TGM2: variants seen among roughly 807,000 people sequenced by gnomAD.
The protein encoded by TGM2 is transglutaminase 2, also known as protein-glutamine gamma-glutamyltransferase 2.
Under a neutral mutation model 75.6 loss-of-function variants are expected in TGM2, and 53 were observed. The ratio of observed to expected loss-of-function variants is 0.70; its 90% confidence interval spans 0.56 to 0.88. TGM2 has a LOEUF of 0.88. Ranked by LOEUF, TGM2 falls within the 40% of genes least tolerant of loss-of-function variation. The probability of loss-of-function intolerance (pLI) is 0.00; values close to 1 mark genes in which losing one functional copy is unlikely to be tolerated. For missense variants in TGM2, 842 were observed against 928.5 expected (o/e 0.91, Z 1.21); for synonymous variants, 374 against 381.1 (o/e 0.98, Z 0.22).
chr20:38,132,462 G>A lies in TGM2; in HGVS notation c.1654C>T (p.Arg552Cys). 1 of 1,614,162 alleles carries A rather than the reference G, an allele frequency of 6.2e-7. No homozygotes were observed. Among genetic ancestry groups the A allele is most frequent in the Non-Finnish European group, 8.5e-7 (1 of 1,180,040 alleles). ...VPLCILYEKY[R>C]DCLTESNLIK... ...AGGTTGGACTCCGTAAGGCAGTCAC[G>A]GTATTTCTCATAGAGGATGCAAAGA... Residue 552 changes from arginine (R) to cysteine (C), a missense_variant, in exon 11 of 13, where the codon CGT (arginine) becomes TGT (cysteine). Coordinates refer to ENST00000361475, the MANE Select transcript of TGM2 (RefSeq NM_004613.4).
upstream of TGM2, among the ~76,000 whole-genome samples, chr20:38,167,313 G>A (rs2075319886): frequency 6.6e-6 from 1 of 152,084 alleles, no homozygotes; most frequent in East Asian, 1.9e-4. Context: ...CTCAGCCTGG[G>A]AGCTCCCTAG....
Position 38,130,043 on chromosome 20 carries a change from C to T in TGM2, c.*176G>A. 1 of 798,628 alleles carries T rather than the reference C, an allele frequency of 1.3e-6. No individual in the cohort carries two copies. The highest frequency in any genetic ancestry group is 2.0e-6 in the Non-Finnish European group (1 of 506,590). 49.5% of individuals were successfully genotyped at this position (798,628 alleles called of 1,614,324 possible). A position where few individuals can be genotyped will look rare whatever the true frequency, so the allele number is the denominator to read the frequency against. Reference sequence around the variant, plus strand: ...ACAGCAAAGGGGGTGAGTGGGGACCCACAGGCTCAGGAGGCTGAGATGGGC... The same window carrying T: ...ACAGCAAAGGGGGTGAGTGGGGACCTACAGGCTCAGGAGGCTGAGATGGGC... On this transcript the variant is annotated 3_prime_UTR_variant, in exon 13 of 13. Transcript: ENST00000361475.
At chr20:38,148,608 C>T (rs552664082) in intron 4 of TGM2, among the ~76,000 whole-genome samples, 15 of 152,294 alleles carry the variant, frequency 9.8e-5, no homozygotes, top group East Asian at 7.7e-4. Flanking sequence ...CTGTTTCAAC[C>T]GTATCCACAG....
At chr20:38,161,900 C>CG (rs1485643814) in intron 1 of TGM2, among the ~76,000 whole-genome samples, 1 of 152,166 alleles carries the variant, frequency 6.6e-6, no homozygotes, top group East Asian at 1.9e-4. Flanking sequence ...CTCAAGGGAT[C>CG]GTCCCACCCC....
chr20:38,130,447 C>T (rs533571811), intron 12 of TGM2, 78 bp from the exon 13 acceptor site: 50 of 1,478,104 alleles, frequency 3.4e-5, no homozygotes, highest in Non-Finnish European at 4.2e-5. Flanking sequence ...CAGGAAGTCA[C>T]GTGACCTCCG....
At chr20:38,152,146 T>C (rs1217364390) in intron 3 of TGM2, among the ~76,000 whole-genome samples, 1 of 152,240 alleles carries the variant, frequency 6.6e-6, no homozygotes, top group African/African-American at 2.4e-5. Context: ...TTCATTTTTT[T>C]CTCCTGATTT....
intron 3 of TGM2, among the ~76,000 whole-genome samples, chr20:38,153,297 G>A (rs6014121): frequency 0.15 from 23,465 of 151,870 alleles, 2,185 homozygotes; most frequent in East Asian, 0.44. Context: ...GGCCGAGGTG[G>A]GCGGATCACC....
At chr20:38,150,045 G>A (rs751422115) in intron 4 of TGM2, among the ~76,000 whole-genome samples, 3 of 152,176 alleles carry the variant, frequency 2.0e-5, no homozygotes, top group Non-Finnish European at 4.4e-5. Flanking sequence ...CCCACCCCAG[G>A]AGGCCAATAC....
At position 38,149,657 on chromosome 20, in the gene TGM2, C is replaced by G. The variant is rs1040372621; in HGVS notation, c.552+1282G>C. Among the ~76,000 whole-genome samples, 4 of 99,712 alleles carry G rather than the reference C, an allele frequency of 4.0e-5. No individual in the cohort carries two copies. The Admixed American group carries it at 5.5e-4, about 14-fold the overall frequency. 65.4% of individuals were successfully genotyped at this position (99,712 alleles called of 152,430 possible). On this transcript the variant is annotated intron_variant, in intron 4 of 12. Coordinates refer to ENST00000361475, the MANE Select transcript of TGM2 (RefSeq NM_004613.4). Reference sequence around the variant, plus strand: ...TTGCACCACTGCACTCCAGCCTGGGCAACAGAGCGAGACTCCGCCTCAAAA... The same window carrying G: ...TTGCACCACTGCACTCCAGCCTGGGGAACAGAGCGAGACTCCGCCTCAAAA...
intron 4 of TGM2, among the ~76,000 whole-genome samples, chr20:38,149,374 G>A (rs563227336): frequency 2.6e-5 from 4 of 152,210 alleles, no homozygotes; most frequent in African/African-American, 9.6e-5. Flanking sequence ...GCACAAGACC[G>A]GATACAAAAC....
Position 38,161,527 on chromosome 20 carries a change from C to G in TGM2, c.83G>C (p.Arg28Pro), listed in dbSNP as rs762006838. 1.2e-6 allele frequency: 2 copies of G among 1,614,060 alleles called. No individual in the cohort carries two copies. Among genetic ancestry groups the G allele is most frequent in the Non-Finnish European group, 8.5e-7 (1 of 1,180,034 alleles). The change falls in exon 2 of 13, where the codon CGG becomes CCG. Residue 28 changes from arginine (R) to proline (P), a missense_variant. Physicochemically the swap from Arg to Pro is moderately radical, Grantham distance 103. Coordinates refer to ENST00000361475, the MANE Select transcript of TGM2 (RefSeq NM_004613.4). ...GRDHHTADLC[R>P]EKLVVRRGQP... Reference sequence around the variant, plus strand: ...GCCCCGTCGCACCACCAGCTTCTCCCGGCACAGGTCGGCCGTGTGGTGGTC... The same window carrying G: ...GCCCCGTCGCACCACCAGCTTCTCCGGGCACAGGTCGGCCGTGTGGTGGTC...
In TGM2 at chr20:38,141,278, G is replaced by C; in HGVS notation, c.1099+4C>G. ...GTTTGACGCGACAGTGCCCGCCCAC[G>C]CACCTTCGCTCTTCTCCTGGGGCGT... On this transcript the variant is annotated splice_donor_region_variant and intron_variant, in intron 8 of 12. Transcript: ENST00000361475. The C allele has an allele frequency of 6.4e-7, 1 of 1,564,722 alleles. No homozygotes were observed. Among genetic ancestry groups the C allele is most frequent in the Non-Finnish European group, 8.7e-7 (1 of 1,153,884 alleles).
At chr20:38,152,127 A>G (rs2075121840) in intron 3 of TGM2, among the ~76,000 whole-genome samples, 1 of 152,232 alleles carries the variant, frequency 6.6e-6, no homozygotes, top group Non-Finnish European at 1.5e-5. Context: ...CTATTGTTCA[A>G]CTTAAATGTT....
intron 10 of TGM2, among the ~76,000 whole-genome samples, chr20:38,135,647 C>T (rs998129023): frequency 1.3e-5 from 2 of 152,054 alleles, no homozygotes; most frequent in African/African-American, 4.8e-5. Flanking sequence ...CTCGGACTCT[C>T]GGGGCCTGGA....
chr20:38,147,352 C>A (rs186576779), intron 5 of TGM2, among the ~76,000 whole-genome samples: 239 of 152,272 alleles, frequency 1.6e-3, no homozygotes, highest in African/African-American at 4.7e-3. Context: ...TTCCTCTGCA[C>A]CCACGGGCCC....
At chr20:38,157,303 T>G (rs1029908467) in intron 2 of TGM2, among the ~76,000 whole-genome samples, 1 of 150,026 alleles carries the variant, frequency 6.7e-6, no homozygotes, top group Admixed American at 6.6e-5. Flanking sequence ...CACAGGCCTC[T>G]CAGGCCCTGT....
At chr20:38,161,720 T>A in intron 1 of TGM2, 121 bp from the exon 2 acceptor site, 1 of 1,198,308 alleles carries the variant, frequency 8.3e-7, no homozygotes, top group Non-Finnish European at 1.2e-6. Context: ...GCACAGCCAT[T>A]GTTTCGACTG....
intron 5 of TGM2, 123 bp downstream of exon 5, chr20:38,147,838 C>T (rs2075063477): frequency 7.1e-7 from 1 of 1,410,892 alleles, no homozygotes; most frequent in African/African-American, 1.4e-5. Flanking sequence ...AAGGTCTTTT[C>T]CCCAAGACTT....
intron 11 of TGM2, among the ~76,000 whole-genome samples, chr20:38,131,734 T>C (rs1264446306): frequency 6.6e-6 from 1 of 152,098 alleles, no homozygotes; most frequent in African/African-American, 2.4e-5. Context: ...ATTGTTGCCC[T>C]TAGGGGTTGT....
Sources: allele counts gnomAD v4.1 joint callset (sites outside exome capture counted in the v4.1 genomes callset), GRCh38; gene constraint gnomAD v4.1.1; transcripts MANE v1.5; gene names NCBI Gene and HGNC (gene_info 2026-07-23, HGNC 2026-07-21).